The following NBPF26 variants were observed in gnomAD, a reference collection of about 807,000 sequenced individuals.
NBPF26 encodes the protein NBPF member 26.
NBPF26 carries 79 observed loss-of-function variants against 119.6 expected under a neutral mutation model. That is an observed-to-expected ratio of 0.66 (90% CI 0.55 to 0.80). The LOEUF is 0.80. NBPF26 is among the 30% of genes least tolerant of loss of function. The pLI is 0.00. For missense variants in NBPF26, 800 were observed against 1,198.2 expected (o/e 0.67, Z 4.91); for synonymous variants, 299 against 457.7 (o/e 0.65, Z 4.43).
downstream of NBPF26, chr1:120,840,909 C>A: frequency 2.5e-6 from 1 of 398,448 alleles, no homozygotes; most frequent in Non-Finnish European, 4.4e-6. Context: ...AGGCATGTCT[C>A]TGAGCTTCTA....
downstream of NBPF26, chr1:120,840,625 C>A (rs1553273602): frequency 9.6e-6 from 14 of 1,455,268 alleles, no homozygotes; most frequent in East Asian, 2.7e-4. Flanking sequence ...GGTGTCATTC[C>A]TGCAGGCAGG....
In NBPF26 at chr1:120,780,069, G is replaced by A. The variant is rs1228696421; in HGVS notation, c.156-4905G>A. ...TAGAGATGGATTTTGTGGAACATTT[G>A]GATTGAGAGACTGACTTTATCCATC... On this transcript the variant is annotated intron_variant, in intron 2 of 29. Coordinates refer to ENST00000620612, the Ensembl canonical transcript of NBPF26. Among the ~76,000 whole-genome samples, 1,253 of 129,322 alleles carry A rather than the reference G, an allele frequency of 9.7e-3. 99 individuals are homozygous for A. Among genetic ancestry groups the A allele is most frequent in the Non-Finnish European group, 0.013 (784 of 61,898 alleles). The allele number at this position is 129,322 out of a possible 152,430, so 84.8% of individuals were successfully genotyped here. A position where few individuals can be genotyped will look rare whatever the true frequency, so the allele number is the denominator to read the frequency against.
rs1651481166 is a variant in NBPF26, at chr1:120,790,604, C to G, written c.416-2557C>G. Among the ~76,000 whole-genome samples, 7 of 103,728 alleles carry G rather than the reference C, an allele frequency of 6.7e-5. 2 individuals carry two copies. The South Asian group carries it at 2.0e-3, about 29-fold the overall frequency. 68.0% of individuals were successfully genotyped at this position (103,728 alleles called of 152,430 possible). ...TCTTTCTTTCTTTCTCTTTCTCTCT[C>G]TTTCCCTCTCTCTTTCTGTCTTTCT... On this transcript the variant is annotated intron_variant, in intron 3 of 29. Coordinates refer to ENST00000620612, the Ensembl canonical transcript of NBPF26.
At chr1:120,813,417 G>C in intron 10 of NBPF26, among the ~76,000 whole-genome samples, 1 of 127,478 alleles carries the variant, frequency 7.8e-6, no homozygotes, top group East Asian at 2.0e-4. Context: ...CTGGAGATAT[G>C]ATTTAAAAAT....
intron 5 of NBPF26, among the ~76,000 whole-genome samples, chr1:120,807,084 C>A (rs1396983135): frequency 2.3e-5 from 3 of 130,284 alleles, no homozygotes; most frequent in African/African-American, 1.0e-4. Flanking sequence ...TGTCTTATGT[C>A]TCACACTTTA....
At position 120,724,028 on chromosome 1, in the gene NBPF26, C is replaced by G; in HGVS notation, c.-150C>G. The stretch of plus-strand genomic sequence containing the variant: ...GGGAGTCGAGGCATTTGCACCTGGG[C>G]TTCGGAGCGTAGCGCCAGGGCCTGA... On this transcript the variant is annotated 5_prime_UTR_variant, in exon 1 of 30. Transcript: ENST00000620612. 4.0e-6 allele frequency: 5 copies of G among 1,247,028 alleles called. 1 individual carries two copies. The highest frequency in any genetic ancestry group is 5.1e-6 in the Non-Finnish European group (5 of 989,936). The allele number at this position is 1,247,028 out of a possible 1,614,324, so 77.2% of individuals were successfully genotyped here. A position where few individuals can be genotyped will look rare whatever the true frequency, so the allele number is the denominator to read the frequency against.
chr1:120,813,072 G>A (rs1651912612), intron 10 of NBPF26, among the ~76,000 whole-genome samples: 1 of 119,142 alleles, frequency 8.4e-6, no homozygotes, highest in Admixed American at 8.0e-5. Flanking sequence ...AGAATGTGTG[G>A]AGATAGCAGT....
intron 15 of NBPF26, among the ~76,000 whole-genome samples, chr1:120,820,460 A>ATATG (rs1652108491): frequency 5.9e-5 from 1 of 16,922 alleles, no homozygotes; most frequent in African/African-American, 2.3e-4. Flanking sequence ...ATATATATAT[A>ATATG]TATATATATA....
Position 120,728,405 on chromosome 1 carries a change from T to C in NBPF26, c.73+4155T>C, listed in dbSNP as rs1302202949. Among the ~76,000 whole-genome samples the C allele has an allele frequency of 1.4e-4, 15 of 109,678 alleles. 4 individuals carry two copies. Among genetic ancestry groups the C allele is most frequent in the Non-Finnish European group, 2.2e-4 (13 of 58,600 alleles). 72.0% of individuals were successfully genotyped at this position (109,678 alleles called of 152,430 possible). A position where few individuals can be genotyped will look rare whatever the true frequency, so the allele number is the denominator to read the frequency against. ...TTGGGGAAAAACCAAATTTTTCCCT[T>C]CCCCAGATGTTTCATTTAAACTTGT... On this transcript the variant is annotated intron_variant, in intron 1 of 29. Coordinates refer to ENST00000620612, the Ensembl canonical transcript of NBPF26.
chr1:120,790,354 C>A (rs1651473445), intron 3 of NBPF26, among the ~76,000 whole-genome samples: 1 of 113,762 alleles, frequency 8.8e-6, no homozygotes, highest in Non-Finnish European at 1.7e-5. Context: ...TTTTGTCTAT[C>A]ACTTTAGGAA....
intron 9 of NBPF26, among the ~76,000 whole-genome samples, chr1:120,811,669 A>G (rs1651869734): frequency 8.8e-6 from 1 of 114,048 alleles, no homozygotes. Context: ...TATAAGCAAG[A>G]AAAGTGTAGA....
intron 4 of NBPF26, chr1:120,793,852 T>A: frequency 1.7e-6 from 1 of 587,396 alleles, no homozygotes; most frequent in Middle Eastern, 2.6e-4. Context: ...GTATGTGTGG[T>A]TAATAAAGTG....
Position 120,783,645 on chromosome 1 carries a change from T to C in NBPF26, c.156-1329T>C, listed in dbSNP as rs1292607515. Among the ~76,000 whole-genome samples, 4 of 108,756 alleles carry C rather than the reference T, an allele frequency of 3.7e-5. 2 individuals are homozygous for C. Among genetic ancestry groups the C allele is most frequent in the African/African-American group, 2.3e-4 (4 of 17,438 alleles). The allele number at this position is 108,756 out of a possible 152,430, so 71.3% of individuals were successfully genotyped here. On this transcript the variant is annotated intron_variant, in intron 2 of 29. Coordinates refer to ENST00000620612, the Ensembl canonical transcript of NBPF26. ...ACATATGGGACTGGAACAGTGTATT[T>C]TGGAGTCAGTTACAGGAAGGAAGTT... is the stretch of plus-strand genomic sequence containing the variant.
At chr1:120,833,493 C>T in intron 23 of NBPF26, 110 bp from the exon 28 acceptor site, 1 of 536,096 alleles carries the variant, frequency 1.9e-6, no homozygotes, top group Non-Finnish European at 3.1e-6. Flanking sequence ...ATTAATGGAT[C>T]TGTCCTTTTT....
rs1203357617 is a variant in NBPF26, at chr1:120,813,448, C to T, written c.1775-443C>T. Among the ~76,000 whole-genome samples, 7 of 127,192 alleles carry T rather than the reference C, an allele frequency of 5.5e-5. 1 individual carries two copies. The highest frequency in any genetic ancestry group is 4.7e-4 in the South Asian group (2 of 4,290). The allele number at this position is 127,192 out of a possible 152,430, so 83.4% of individuals were successfully genotyped here. ...AAAATCAAAGATTTTAAAAATCTTTCGCATACTTGTCCTTGAAATTCCCAG... is the reference window on the plus strand; with the variant it reads ...AAAATCAAAGATTTTAAAAATCTTTTGCATACTTGTCCTTGAAATTCCCAG... On this transcript the variant is annotated intron_variant, in intron 10 of 29. Coordinates refer to ENST00000620612, the Ensembl canonical transcript of NBPF26.
In NBPF26 at chr1:120,795,934, GTGTGTGTGTGTGTGTA is replaced by G. The variant is rs1252769506; in HGVS notation, c.751+2440_751+2455del. ...TACATATCAATATGTGTGTGTGTGT[GTGTGTGTGTGTGTGTA>G]TATGCCGTTGTGCAGATGTTTAAAA... On this transcript the variant is annotated intron_variant, in intron 4 of 29. Transcript: ENST00000620612. Among the ~76,000 whole-genome samples the G allele has an allele frequency of 7.9e-5, 2 of 25,276 alleles. 1 individual carries two copies. Among genetic ancestry groups the G allele is most frequent in the Non-Finnish European group, 1.6e-4 (2 of 12,590 alleles). 16.6% of individuals were successfully genotyped at this position (25,276 alleles called of 152,430 possible).
chr1:120,812,957 T>A lies in NBPF26; in HGVS notation c.1774+862T>A, dbSNP rs1553271198. ...ATAATAATAATAATAATAATAATAA[T>A]AAATAAAAATAAGAATAAAAAGCAG... On this transcript the variant is annotated intron_variant, in intron 10 of 29. Transcript: ENST00000620612. Among the ~76,000 whole-genome samples, 182 of 113,422 alleles carry A rather than the reference T, an allele frequency of 1.6e-3. 1 individual carries two copies. Among genetic ancestry groups the A allele is most frequent in the Middle Eastern group, 0.016 (4 of 256 alleles). 74.4% of individuals were successfully genotyped at this position (113,422 alleles called of 152,430 possible).
rs1553272479 is a variant in NBPF26 at position 120,824,110 on chromosome 1, G to C, written c.2776G>C (p.Glu926Gln). Residue 926 changes from glutamate to glutamine, a missense_variant, in exon 18 of 30, where the codon GAG becomes CAG. Physicochemically the swap from Glu to Gln is conservative, Grantham distance 29. Transcript: ENST00000620612. ...CTACAGAAGTGCCTTTTACGTATTG[G>C]AGCAACAGCGTGTTGGCTTGGCTGT... 47 of 454,480 alleles carry C rather than the reference G, an allele frequency of 1.0e-4. 7 individuals carry two copies. Among genetic ancestry groups the C allele is most frequent in the Admixed American group, 2.6e-4 (6 of 23,462 alleles). 28.2% of individuals were successfully genotyped at this position (454,480 alleles called of 1,614,324 possible). A position where few individuals can be genotyped will look rare whatever the true frequency, so the allele number is the denominator to read the frequency against.
chr1:120,767,929 T>C lies in NBPF26; in HGVS notation c.155+4220T>C, dbSNP rs1489460168. Among the ~76,000 whole-genome samples, 25 of 118,334 alleles carry C rather than the reference T, an allele frequency of 2.1e-4. 5 individuals are homozygous for C. The highest frequency in any genetic ancestry group is 2.0e-3 in the Admixed American group (25 of 12,516). The allele number at this position is 118,334 out of a possible 152,430, so 77.6% of individuals were successfully genotyped here. A position where few individuals can be genotyped will look rare whatever the true frequency, so the allele number is the denominator to read the frequency against. ...GCTGGTTCTTAACAACTGGGTTGTC[T>C]ATGGATGTGTTTCTATTTCTATCAA... is the stretch of plus-strand genomic sequence containing the variant. On this transcript the variant is annotated intron_variant, in intron 2 of 29. Coordinates refer to ENST00000620612, the Ensembl canonical transcript of NBPF26.
Sources: allele counts gnomAD v4.1 joint callset (sites outside exome capture counted in the v4.1 genomes callset), GRCh38; gene constraint gnomAD v4.1.1; transcripts MANE v1.5; gene names NCBI Gene and HGNC (gene_info 2026-07-23, HGNC 2026-07-21).